The following PPP1R12B variants were observed in gnomAD, a reference collection of about 807,000 sequenced individuals.
PPP1R12B encodes the protein myosin phosphatase target subunit 2.
In PPP1R12B, 76 loss-of-function variants were observed where a neutral mutation model predicts 126.1. That is an observed-to-expected ratio of 0.60 (90% confidence interval 0.50 to 0.73). PPP1R12B has a LOEUF of 0.73. Ranked by LOEUF, PPP1R12B falls within the 30% of genes least tolerant of loss-of-function variation. PPP1R12B has a pLI of 0.00. For synonymous variants in PPP1R12B, 356 were observed against 434.7 expected (o/e 0.82, Z 2.25); for missense variants, 1,052 against 1,205.1 (o/e 0.87, Z 1.88).
chr1:202,486,699 T>C (rs1678177396), intron 13 of PPP1R12B, among the ~76,000 whole-genome samples: 1 of 152,166 alleles, frequency 6.6e-6, no homozygotes, highest in African/African-American at 2.4e-5. Flanking sequence ...CCCAGCTACT[T>C]GCAAAGGCTG....
intron 23 of PPP1R12B, chr1:202,574,822 C>A: frequency 1.8e-6 from 1 of 546,514 alleles, no homozygotes; most frequent in Non-Finnish European, 3.2e-6. Flanking sequence ...TCTCCATCAT[C>A]CTTCCACCTG....
intron 2 of PPP1R12B, chr1:202,417,310 C>A (rs1257086832): frequency 1.0e-6 from 1 of 984,898 alleles, no homozygotes; most frequent in East Asian, 1.1e-4. Flanking sequence ...GTGCTTAGTA[C>A]AAATGAAGAT....
intron 1 of PPP1R12B, among the ~76,000 whole-genome samples, chr1:202,405,664 C>T (rs186658199): frequency 1.7e-4 from 26 of 152,268 alleles, no homozygotes; most frequent in African/African-American, 6.3e-4. Context: ...CTGAAGCAGA[C>T]AGAAATAACT....
Position 202,449,815 on chromosome 1 carries a change from T to C in PPP1R12B, c.1850+644T>C, listed in dbSNP as rs185423184. Among the ~76,000 whole-genome samples the C allele has an allele frequency of 3.2e-3, 482 of 151,966 alleles. 8 individuals are homozygous for C. The South Asian group carries it at 0.033, about 10-fold the overall frequency. On this transcript the variant is annotated intron_variant, in intron 13 of 23. Coordinates refer to ENST00000608999, the MANE Select transcript of PPP1R12B (RefSeq NM_002481.4). ...CATTCTCCTTCCTCAGCCTCCTGAG[T>C]AGCTGGGACTACAGCTACCTGCCAC...
rs1166599237 is a variant in PPP1R12B at position 202,437,970 on chromosome 1, C to CTA, written c.1406_1407dup (p.Arg470IlefsTer29). 3 of 1,614,022 alleles carry CTA rather than the reference C, an allele frequency of 1.9e-6. No homozygotes were observed. Among genetic ancestry groups the CTA allele is most frequent in the Non-Finnish European group, 2.5e-6 (3 of 1,180,024 alleles). On this transcript the variant is annotated frameshift_variant, in exon 10 of 24. Coordinates refer to ENST00000608999, the MANE Select transcript of PPP1R12B (RefSeq NM_002481.4). LOFTEE classifies it high-confidence loss of function. ...CTATAAGGGACCGAGGCTCTTCCATCTATCGCTCCTCTTCAAGCCCTCGGA... is the reference window on the plus strand; with the variant it reads ...CTATAAGGGACCGAGGCTCTTCCATCTATATCGCTCCTCTTCAAGCCCTCGGA...
In PPP1R12B at chr1:202,440,786, C is replaced by T; in HGVS notation, c.1539C>T (p.Asn513=). ...CAAGTGATATTGAAGAAAAGGAGAA[C>T]AGGTAATCCTAAAACCAGCCAAAAG... ...NSTSDIEEKE[N]RESAVNLVRS... Residue 513 remains asparagine, a splice_region_variant and synonymous_variant, in exon 11 of 24, where the codon AAC becomes AAT. Transcript: ENST00000608999. 6.2e-7 allele frequency: 1 copy of T among 1,612,728 alleles called. No individual in the cohort carries two copies. Among genetic ancestry groups the T allele is most frequent in the Non-Finnish European group, 8.5e-7 (1 of 1,178,790 alleles).
intron 18 of PPP1R12B, among the ~76,000 whole-genome samples, chr1:202,504,664 TTATATC>T (rs1680620357): frequency 6.6e-6 from 1 of 152,216 alleles, no homozygotes; most frequent in African/African-American, 2.4e-5. Context: ...ATTTGTATCT[TTATATC>T]TGTTATATCT....
rs1023001342 is a variant in PPP1R12B, at chr1:202,579,394, C to T, written c.2863-1080C>T. On this transcript the variant is annotated intron_variant, in intron 23 of 23. Transcript: ENST00000608999. ...GGTTGAAATGACTAGTCAAAGGACA[C>T]CTGTATTGAACAGATACAGATGTAG... is the stretch of plus-strand genomic sequence containing the variant. Among the ~76,000 whole-genome samples the T allele has an allele frequency of 6.6e-5, 10 of 152,302 alleles. No individual in the cohort carries two copies. The South Asian group carries it at 1.0e-3, about 16-fold the overall frequency.
At chr1:202,524,151 C>T (rs748678246) in intron 18 of PPP1R12B, among the ~76,000 whole-genome samples, 2 of 152,118 alleles carry the variant, frequency 1.3e-5, no homozygotes, top group South Asian at 4.1e-4. Flanking sequence ...GGTAGCAATA[C>T]AGTTGTTGAA....
intron 13 of PPP1R12B, among the ~76,000 whole-genome samples, chr1:202,476,317 A>G (rs1457344888): frequency 6.6e-6 from 1 of 151,556 alleles, no homozygotes; most frequent in Non-Finnish European, 1.5e-5. Flanking sequence ...TTAGATATAT[A>G]CTATAAGATA....
chr1:202,537,351 C>T (rs1470997092), intron 18 of PPP1R12B, among the ~76,000 whole-genome samples: 1 of 147,474 alleles, frequency 6.8e-6, no homozygotes, highest in African/African-American at 2.5e-5. Context: ...GAGACTCCGT[C>T]TCAAAAAAAA....
chr1:202,349,211 C>CG, intron 1 of PPP1R12B, 69 bp downstream of exon 1: 1 of 1,564,814 alleles, frequency 6.4e-7, no homozygotes, highest in Non-Finnish European at 8.7e-7. Flanking sequence ...GCGAGCCACC[C>CG]CATGGGGAGT....
At chr1:202,351,209 G>GTTT (rs1214543974) in intron 1 of PPP1R12B, among the ~76,000 whole-genome samples, 3 of 132,152 alleles carry the variant, frequency 2.3e-5, no homozygotes, top group Non-Finnish European at 4.9e-5. Flanking sequence ...ACTTGGAGAA[G>GTTT]TTTTTGTTGT....
At chr1:202,432,255 T>C (rs1304410381) in intron 8 of PPP1R12B, among the ~76,000 whole-genome samples, 2 of 152,020 alleles carry the variant, frequency 1.3e-5, no homozygotes, top group Non-Finnish European at 2.9e-5. Flanking sequence ...ATTGATAATA[T>C]ATACCTCATA....
chr1:202,477,815 A>C (rs978203461), intron 13 of PPP1R12B, among the ~76,000 whole-genome samples: 1 of 152,212 alleles, frequency 6.6e-6, no homozygotes, highest in Non-Finnish European at 1.5e-5. Flanking sequence ...AATGCCACTG[A>C]TGGTGTAATC....
chr1:202,546,183 G>A (rs1356243553), intron 18 of PPP1R12B, among the ~76,000 whole-genome samples: 1 of 152,186 alleles, frequency 6.6e-6, no homozygotes, highest in Admixed American at 6.5e-5. Context: ...ATACAGAGAA[G>A]CATTCAGTTG....
chr1:202,362,659 G>GTT (rs556096889), intron 1 of PPP1R12B, among the ~76,000 whole-genome samples: 7 of 139,388 alleles, frequency 5.0e-5, no homozygotes, highest in African/African-American at 1.1e-4. Flanking sequence ...CAGGGTTTTT[G>GTT]TTTTTTTTTT....
At chr1:202,393,258 T>C (rs1242744948) in intron 1 of PPP1R12B, among the ~76,000 whole-genome samples, 2 of 152,190 alleles carry the variant, frequency 1.3e-5, no homozygotes, top group Admixed American at 6.5e-5. Flanking sequence ...TGAAATTATA[T>C]ACTTTAAATG....
At chr1:202,570,227 A>G (rs1413501151) in intron 23 of PPP1R12B, among the ~76,000 whole-genome samples, 2 of 152,140 alleles carry the variant, frequency 1.3e-5, no homozygotes, top group Non-Finnish European at 2.9e-5. Context: ...ATGTCTTTCT[A>G]TGAGCAAGCA....
Sources: gnomAD v4.1 joint callset for allele counts (sites outside exome capture counted in the v4.1 genomes callset) on GRCh38, gnomAD v4.1.1 for gene constraint, MANE v1.5 for transcripts, NCBI Gene and HGNC (gene_info 2026-07-23, HGNC 2026-07-21) for gene names.